The following DAG1 variants were observed in gnomAD, a reference collection of about 807,000 sequenced individuals.
DAG1 encodes dystroglycan 1 (dystrophin-associated glycoprotein 1).
DAG1 carries 8 observed loss-of-function variants against 46.1 expected under a neutral mutation model. The ratio of observed to expected loss-of-function variants is 0.17; its 90% CI spans 0.10 to 0.31. DAG1 has a LOEUF of 0.31. Among genes scored for constraint, DAG1 ranks in the 10% least tolerant of loss-of-function variants. The pLI, the probability that DAG1 is intolerant of heterozygous loss-of-function variation, is 1.00. For missense variants in DAG1, 1,003 were observed against 1,189.9 expected, an observed-to-expected ratio of 0.84 and a Z score of 2.31; for synonymous variants, 495 against 481.8, an observed-to-expected ratio of 1.03 and a Z score of -0.36.
intron 1 of DAG1, among the ~76,000 whole-genome samples, chr3:49,503,923 AT>A (rs1402432642): frequency 2.0e-5 from 3 of 152,196 alleles, no homozygotes; most frequent in African/African-American, 7.2e-5. Context: ...TTATCTTAAG[AT>A]TTAAAAGATT....
chr3:49,474,055 T>C (rs917884436), intron 1 of DAG1, among the ~76,000 whole-genome samples: 2 of 151,962 alleles, frequency 1.3e-5, no homozygotes, highest in Admixed American at 1.3e-4. Flanking sequence ...TCCTGGCTAA[T>C]ATATGTATAT....
chr3:49,474,718 A>G (rs2049627331), intron 1 of DAG1, among the ~76,000 whole-genome samples: 1 of 151,894 alleles, frequency 6.6e-6, no homozygotes. Context: ...TTTGAGCTCA[A>G]GCAATCTGCC....
chr3:49,501,314 T>C (rs896097499), intron 1 of DAG1, among the ~76,000 whole-genome samples: 1 of 152,106 alleles, frequency 6.6e-6, no homozygotes, highest in African/African-American at 2.4e-5. Context: ...CTGGATCTAA[T>C]AAGTGAAGTA....
Position 49,531,932 on chromosome 3 carries a change from C to A in DAG1, c.1421C>A (p.Ala474Asp), listed in dbSNP as rs372623992. ...TKVSITRLETASPPTRIRTTT... is the reference protein window; with the variant it reads ...TKVSITRLETDSPPTRIRTTT... ...GTTTCCATCACCAGATTGGAAACTG[C>A]CTCACCGCCTACTCGTATTCGCACC... is the stretch of plus-strand genomic sequence containing the variant. The change falls in exon 3 of 3, where the codon GCC becomes GAC. Residue 474 changes from alanine to aspartate, a missense_variant. By Grantham distance (126) the Ala-to-Asp change is moderately radical (BLOSUM62 -2). Coordinates refer to ENST00000308775, the MANE Select transcript of DAG1 (RefSeq NM_004393.6). This position sits in a 1 kb window ranked among gnomAD's most constrained non-coding sequence, Gnocchi z 7.0. 6.2e-7 allele frequency: 1 copy of A among 1,614,224 alleles called. No homozygotes were observed.
intron 2 of DAG1, among the ~76,000 whole-genome samples, chr3:49,527,990 TAG>T (rs1292994862): frequency 2.0e-5 from 3 of 152,106 alleles, no homozygotes; most frequent in South Asian, 2.1e-4. Flanking sequence ...TGGGATGGAG[TAG>T]AGTTAGGAAA....
intron 2 of DAG1, among the ~76,000 whole-genome samples, chr3:49,518,777 C>T (rs745446301): frequency 3.3e-5 from 5 of 152,218 alleles, no homozygotes; most frequent in Non-Finnish European, 5.9e-5. Context: ...TTTGACCAGA[C>T]GTGTGAGAAG....
Position 49,522,064 on chromosome 3 carries a change from T to C in DAG1, c.286-8733T>C, listed in dbSNP as rs1311112965. Among the ~76,000 whole-genome samples, 5 of 145,406 alleles carry C rather than the reference T, an allele frequency of 3.4e-5. No individual in the cohort carries two copies. The Admixed American group carries it at 3.5e-4, about 10-fold the overall frequency. On this transcript the variant is annotated intron_variant, in intron 2 of 2. Transcript: ENST00000308775. Reference sequence around the variant, plus strand: ...TTTTTTTTGAGACAAAGTCTCACTCTTGTCCCCCAGGCTGGAGTGCAATGG... The same window carrying C: ...TTTTTTTTGAGACAAAGTCTCACTCCTGTCCCCCAGGCTGGAGTGCAATGG...
chr3:49,491,047 T>C (rs1485116618), intron 1 of DAG1, among the ~76,000 whole-genome samples: 1 of 151,922 alleles, frequency 6.6e-6, no homozygotes, highest in Non-Finnish European at 1.5e-5. Flanking sequence ...CTACTACGCC[T>C]GGCTAATTTT....
intron 1 of DAG1, among the ~76,000 whole-genome samples, chr3:49,470,785 G>C (rs183558916): frequency 1.2e-4 from 19 of 152,368 alleles, no homozygotes; most frequent in African/African-American, 4.3e-4. Context: ...AATAGGGGTT[G>C]TGGCCCAGTT....
intron 2 of DAG1, among the ~76,000 whole-genome samples, chr3:49,519,096 C>T (rs1179958527): frequency 6.6e-6 from 1 of 152,168 alleles, no homozygotes; most frequent in East Asian, 1.9e-4. Context: ...GGGCTGGCAA[C>T]AGTATGAGCC....
chr3:49,511,463 A>G (rs1049407960), intron 2 of DAG1, among the ~76,000 whole-genome samples: 1 of 152,202 alleles, frequency 6.6e-6, no homozygotes, highest in Non-Finnish European at 1.5e-5. Context: ...AATTTCCCCT[A>G]GATCTTAAAT....
intron 2 of DAG1, among the ~76,000 whole-genome samples, chr3:49,516,527 A>C (rs2050902600): frequency 6.6e-6 from 1 of 152,218 alleles, no homozygotes; most frequent in African/African-American, 2.4e-5. Context: ...CTGTCCCTCT[A>C]ACACTTGACT....
At chr3:49,527,508 CGA>C (rs2051211309) in intron 2 of DAG1, among the ~76,000 whole-genome samples, 3 of 142,494 alleles carry the variant, frequency 2.1e-5, no homozygotes, top group Non-Finnish European at 4.5e-5. Context: ...GGCGAAAGAG[CGA>C]GACTCTGTCT....
chr3:49,528,661 C>T (rs570037199), intron 2 of DAG1, among the ~76,000 whole-genome samples: 8 of 152,110 alleles, frequency 5.3e-5, no homozygotes, highest in South Asian at 4.2e-4. Context: ...TTTGAAGACA[C>T]CCATGTTTAC....
chr3:49,530,466 G>A (rs1205850767), intron 2 of DAG1, among the ~76,000 whole-genome samples: 3 of 152,196 alleles, frequency 2.0e-5, no homozygotes, highest in South Asian at 2.1e-4. Context: ...GTGGCAGGGC[G>A]TGTCACTGTT....
intron 1 of DAG1, among the ~76,000 whole-genome samples, chr3:49,505,154 A>T (rs1238951188): frequency 1.3e-5 from 2 of 151,634 alleles, no homozygotes; most frequent in Non-Finnish European, 2.9e-5. Flanking sequence ...GCTAATTTTT[A>T]AAATTTTTGT....
chr3:49,498,951 C>G (rs2050379453), intron 1 of DAG1, among the ~76,000 whole-genome samples: 1 of 152,206 alleles, frequency 6.6e-6, no homozygotes, highest in Non-Finnish European at 1.5e-5. Flanking sequence ...CTCAAGCAAT[C>G]TGCCCACCTC....
At chr3:49,504,130 T>C (rs2050531560) in intron 1 of DAG1, among the ~76,000 whole-genome samples, 1 of 152,186 alleles carries the variant, frequency 6.6e-6, no homozygotes, top group East Asian at 1.9e-4. Flanking sequence ...TATAGCCACA[T>C]CTACCTCCTT....
intron 1 of DAG1, among the ~76,000 whole-genome samples, chr3:49,494,777 G>GGC (rs2050269406): frequency 7.6e-6 from 1 of 132,144 alleles, no homozygotes; most frequent in Non-Finnish European, 1.6e-5. Flanking sequence ...TGGGACTACA[G>GGC]GTGCCTGCCA....
Sources: allele counts gnomAD v4.1 joint callset (sites outside exome capture counted in the v4.1 genomes callset), GRCh38; gene constraint gnomAD v4.1.1; non-coding constraint Gnocchi (gnomAD v3.1); transcripts MANE v1.5; gene names NCBI Gene and HGNC (gene_info 2026-07-23, HGNC 2026-07-21).